Variants in LINGO2 observed in about 807,000 individuals in gnomAD.
LINGO2 encodes the protein leucine-rich repeat and immunoglobulin-like domain-containing nogo receptor-interacting protein 2.
A neutral mutation model predicts 30.6 loss-of-function variants in LINGO2; 14 were observed. The observed-to-expected ratio is 0.46, with a 90% CI of 0.30 to 0.72. The LOEUF is 0.72. Among genes scored for constraint, LINGO2 ranks in the 30% least tolerant of loss-of-function variants. LINGO2 has a pLI of 0.07. For synonymous variants in LINGO2, 317 were observed against 288.5 expected (o/e 1.10, Z -1.00); for missense variants, 729 against 751.7 (o/e 0.97, Z 0.35).
chr9:28,693,577 G>T, the LINGO2 span, among the ~76,000 whole-genome samples: 1 of 152,084 alleles, frequency 6.6e-6, no homozygotes, highest in Non-Finnish European at 1.5e-5. Context: ...GCCTGGCAAG[G>T]CTTAGTCCCA....
chr9:28,153,413 C>A (rs1828051592), intron 4 of LINGO2, among the ~76,000 whole-genome samples: 1 of 152,000 alleles, frequency 6.6e-6, no homozygotes, highest in African/African-American at 2.4e-5. Context: ...TATATACAGA[C>A]CTTGTCTAGA....
chr9:28,362,999 G>C (rs938643433), intron 3 of LINGO2, among the ~76,000 whole-genome samples: 1 of 152,140 alleles, frequency 6.6e-6, no homozygotes, highest in Non-Finnish European at 1.5e-5. Context: ...AAACCTTCAT[G>C]TCTCTTCCCC....
chr9:28,060,578 C>T (rs1333588585), intron 4 of LINGO2, among the ~76,000 whole-genome samples: 1 of 152,146 alleles, frequency 6.6e-6, no homozygotes, highest in African/African-American at 2.4e-5. Context: ...AGCAGTCTGA[C>T]TTTAGAGCTT....
chr9:28,592,874 C>T (rs1462838778), intron 1 of LINGO2, among the ~76,000 whole-genome samples: 1 of 151,976 alleles, frequency 6.6e-6, no homozygotes, highest in Non-Finnish European at 1.5e-5. Context: ...TCTTCTGTAG[C>T]CCTCTTTCAT....
the LINGO2 span, among the ~76,000 whole-genome samples, chr9:29,168,377 T>G: frequency 2.6e-5 from 4 of 152,314 alleles, no homozygotes; most frequent in African/African-American, 9.6e-5. Flanking sequence ...AAAATGTGCT[T>G]AAGTAGCAAC....
chr9:28,285,571 A>G (rs960659877), intron 4 of LINGO2, among the ~76,000 whole-genome samples: 9 of 151,554 alleles, frequency 5.9e-5, no homozygotes, highest in African/African-American at 2.2e-4. Flanking sequence ...ATGCCTGGCT[A>G]ATTTTTTGTA....
intron 2 of LINGO2, among the ~76,000 whole-genome samples, chr9:28,454,395 G>C (rs1172335382): frequency 6.6e-6 from 1 of 151,772 alleles, no homozygotes; most frequent in Non-Finnish European, 1.5e-5. Context: ...TTCAAACAGT[G>C]AACTCAAACA....
At chr9:28,490,242 T>C (rs1002959387) in intron 1 of LINGO2, among the ~76,000 whole-genome samples, 1 of 152,164 alleles carries the variant, frequency 6.6e-6, no homozygotes, top group Non-Finnish European at 1.5e-5. Flanking sequence ...AAGCTTATAT[T>C]GCCGGAGTTT....
intron 1 of LINGO2, among the ~76,000 whole-genome samples, chr9:28,570,821 A>T (rs539322694): frequency 2.0e-4 from 31 of 152,082 alleles, no homozygotes; most frequent in African/African-American, 7.5e-4. Flanking sequence ...TTTCTTCTCT[A>T]TTGTGCTATT....
chr9:29,203,330 G>C, the LINGO2 span, among the ~76,000 whole-genome samples: 1 of 152,146 alleles, frequency 6.6e-6, no homozygotes, highest in African/African-American at 2.4e-5. Flanking sequence ...TTAAGGTTAT[G>C]TTACACAACT....
chr9:29,147,709 T>C, the LINGO2 span, among the ~76,000 whole-genome samples: 2 of 152,070 alleles, frequency 1.3e-5, no homozygotes, highest in Non-Finnish European at 2.9e-5. Flanking sequence ...AATATTAAAA[T>C]TTCCAGATCA....
chr9:29,201,613 A>AACAG, the LINGO2 span, among the ~76,000 whole-genome samples: 4 of 105,222 alleles, frequency 3.8e-5, no homozygotes, highest in Admixed American at 1.1e-4. Flanking sequence ...GGGAAAATCC[A>AACAG]ATAGAAAGAG....
At chr9:29,149,905 G>T in the LINGO2 span, among the ~76,000 whole-genome samples, 2 of 152,160 alleles carry the variant, frequency 1.3e-5, no homozygotes, top group Admixed American at 1.3e-4. Context: ...TGTGTGTTTT[G>T]CAGACCTTCT....
chr9:28,441,025 T>C (rs1426770243), intron 2 of LINGO2, among the ~76,000 whole-genome samples: 2 of 152,098 alleles, frequency 1.3e-5, no homozygotes, highest in Non-Finnish European at 2.9e-5. Flanking sequence ...TAATGAGAGA[T>C]ATTTATATCA....
rs182155806 is a variant in LINGO2 at position 28,003,411 on chromosome 9, C to A, written c.-36+8944G>T. 4.4e-4 allele frequency among the ~76,000 whole-genome samples: 67 copies of A among 151,604 alleles called. No individual in the cohort carries two copies. In the East Asian group the frequency reaches 8.9e-3, roughly 20 times the overall value. ...TAGAGAGAGAGAGAGTTAGAGAGTTCACATTTATTTCAGTGTTTACTATTA... is the reference window on the plus strand; with the variant it reads ...TAGAGAGAGAGAGAGTTAGAGAGTTAACATTTATTTCAGTGTTTACTATTA... On this transcript the variant is annotated intron_variant, in intron 5 of 5. Coordinates refer to ENST00000379992, the Ensembl canonical transcript of LINGO2.
At chr9:28,017,825 T>C (rs748183509) in intron 4 of LINGO2, among the ~76,000 whole-genome samples, 7 of 152,106 alleles carry the variant, frequency 4.6e-5, no homozygotes, top group Non-Finnish European at 8.8e-5. Flanking sequence ...AAACTACCAA[T>C]GACATTCTTC....
At chr9:28,621,961 G>A (rs1044514431) in intron 1 of LINGO2, among the ~76,000 whole-genome samples, 13 of 151,954 alleles carry the variant, frequency 8.6e-5, no homozygotes, top group African/African-American at 3.1e-4. Flanking sequence ...GCCAAGACTT[G>A]CTCCATGCAA....
At chr9:27,950,172 T>C in exon 6 of LINGO2, 1 of 1,614,086 alleles carries the variant, frequency 6.2e-7, no homozygotes, top group Non-Finnish European at 8.5e-7. Context: ...GTGTGATATA[T>C]AAACCAAATC....
In LINGO2 at chr9:28,260,299, T is replaced by G. The variant is rs543713011; in HGVS notation, c.-87+34909A>C. On this transcript the variant is annotated intron_variant, in intron 4 of 5. Coordinates refer to ENST00000379992, the Ensembl canonical transcript of LINGO2. ...GTTGAACTGCCAAGAGAACTAATGCTTCACTCTTGAAAACTTCTCTATACC... is the reference window on the plus strand; with the variant it reads ...GTTGAACTGCCAAGAGAACTAATGCGTCACTCTTGAAAACTTCTCTATACC... Among the ~76,000 whole-genome samples, 13 of 151,838 alleles carry G rather than the reference T, an allele frequency of 8.6e-5. No individual in the cohort carries two copies. The South Asian group carries it at 2.5e-3, about 29-fold the overall frequency.
Sources: allele counts gnomAD v4.1 joint callset (sites outside exome capture counted in the v4.1 genomes callset), GRCh38; gene constraint gnomAD v4.1.1; transcripts MANE v1.5; gene names NCBI Gene and HGNC (gene_info 2026-07-23, HGNC 2026-07-21).